TMEM132C: variants seen among roughly 807,000 people sequenced by gnomAD.
The protein encoded by TMEM132C is protein phosphatase 1, regulatory subunit 152.
Under a neutral mutation model 61.4 loss-of-function variants are expected in TMEM132C, and 29 were observed. The ratio of observed to expected loss-of-function variants is 0.47; its 90% CI spans 0.35 to 0.64. The LOEUF is 0.64. TMEM132C is among the 30% of genes least tolerant of loss of function. The pLI, the probability that TMEM132C is intolerant of heterozygous loss-of-function variation, is 0.00. For missense variants in TMEM132C, 1,408 were observed against 1,476.9 expected, an observed-to-expected ratio of 0.95 and a Z score of 0.76; for synonymous variants, 656 against 633.1, an observed-to-expected ratio of 1.04 and a Z score of -0.54.
intron 2 of TMEM132C, among the ~76,000 whole-genome samples, chr12:128,427,387 G>GTGT (rs1869224289): frequency 4.5e-4 from 59 of 132,292 alleles, no homozygotes; most frequent in African/African-American, 1.7e-3. Context: ...CTTCCAAAGG[G>GTGT]GTGTGTGTGT....
intron 2 of TMEM132C, among the ~76,000 whole-genome samples, chr12:128,423,724 G>T (rs1869073774): frequency 6.6e-6 from 1 of 151,322 alleles, no homozygotes; most frequent in African/African-American, 2.4e-5. Flanking sequence ...GAGAAAAGTG[G>T]ATTTCACCTC....
chr12:128,483,693 T>C (rs1194669950), intron 2 of TMEM132C, among the ~76,000 whole-genome samples: 2 of 152,188 alleles, frequency 1.3e-5, no homozygotes, highest in Non-Finnish European at 2.9e-5. Context: ...TCTGTAGAAC[T>C]GGCTCTTCAG....
intron 1 of TMEM132C, among the ~76,000 whole-genome samples, chr12:128,297,378 G>C (rs1342407255): frequency 6.6e-6 from 1 of 152,224 alleles, no homozygotes; most frequent in African/African-American, 2.4e-5. Flanking sequence ...TGTGCAGCCA[G>C]ATTCATTTAA....
intron 1 of TMEM132C, among the ~76,000 whole-genome samples, chr12:128,413,466 G>A (rs77773027): frequency 0.01 from 1,581 of 151,816 alleles, 31 homozygotes; most frequent in African/African-American, 0.035. Flanking sequence ...AGGTCGTACC[G>A]CTTTTCATTC....
chr12:128,532,278 G>A (rs543943753), intron 2 of TMEM132C, among the ~76,000 whole-genome samples: 1 of 151,832 alleles, frequency 6.6e-6, no homozygotes, highest in Admixed American at 6.6e-5. Context: ...GTATGACTAT[G>A]TATGCATAAT....
intron 2 of TMEM132C, among the ~76,000 whole-genome samples, chr12:128,517,782 T>G (rs1214928603): frequency 2.0e-5 from 3 of 152,166 alleles, no homozygotes; most frequent in Non-Finnish European, 4.4e-5. Flanking sequence ...GTGAAGGTAG[T>G]TTTATGGAAA....
intron 1 of TMEM132C, among the ~76,000 whole-genome samples, chr12:128,342,466 TCCAAA>T (rs1300120807): frequency 6.6e-6 from 1 of 152,236 alleles, no homozygotes; most frequent in Non-Finnish European, 1.5e-5. Context: ...TAGAAAATCT[TCCAAA>T]CCTGTTTGAA....
chr12:128,334,312 C>T (rs1872739751), intron 1 of TMEM132C, among the ~76,000 whole-genome samples: 1 of 152,152 alleles, frequency 6.6e-6, no homozygotes, highest in African/African-American at 2.4e-5. Context: ...GCCCACCCAC[C>T]ATGTCCTCGA....
At chr12:128,396,286 C>T (rs1333144754) in intron 1 of TMEM132C, among the ~76,000 whole-genome samples, 1 of 151,868 alleles carries the variant, frequency 6.6e-6, no homozygotes, top group Non-Finnish European at 1.5e-5. Flanking sequence ...CAACTGCTTC[C>T]TAATAATAGT....
intron 1 of TMEM132C, among the ~76,000 whole-genome samples, chr12:128,289,701 T>A (rs569459586): frequency 6.6e-6 from 1 of 152,356 alleles, no homozygotes; most frequent in East Asian, 1.9e-4. Flanking sequence ...TTCTCAATAA[T>A]TTTTGGCCTA....
rs1565990430 is a variant in TMEM132C at position 128,609,290 on chromosome 12, G to GCCTCCCTGCAACCCTGTAA, written c.1122-6860_1122-6859insTCCCTGCAACCCTGTAACC. ...ACCCCCACCTCCCTGCAACACTGTA[G>GCCTCCCTGCAACCCTGTAA]CCCCCGCCTCCCTGCAACCCTGCTA... On this transcript the variant is annotated intron_variant, in intron 3 of 8. Coordinates refer to ENST00000435159, the MANE Select transcript of TMEM132C (RefSeq NM_001136103.3). 2.8e-3 allele frequency among the ~76,000 whole-genome samples: 165 copies of GCCTCCCTGCAACCCTGTAA among 58,070 alleles called. 23 individuals carry two copies. The highest frequency in any genetic ancestry group is 0.013 in the African/African-American group (151 of 11,436). 38.1% of individuals were successfully genotyped at this position (58,070 alleles called of 152,430 possible). A position where few individuals can be genotyped will look rare whatever the true frequency, so the allele number is the denominator to read the frequency against.
intron 1 of TMEM132C, among the ~76,000 whole-genome samples, chr12:128,287,318 T>C (rs1032567235): frequency 6.6e-6 from 1 of 152,212 alleles, no homozygotes; most frequent in Non-Finnish European, 1.5e-5. Context: ...TTAAACTTTT[T>C]ACTAGGAAAT....
intron 4 of TMEM132C, among the ~76,000 whole-genome samples, chr12:128,627,793 G>A (rs899901734): frequency 1.1e-4 from 17 of 152,154 alleles, no homozygotes; most frequent in African/African-American, 3.6e-4. Flanking sequence ...TCCCTCCGCC[G>A]AGGAGTCAGG....
intron 3 of TMEM132C, among the ~76,000 whole-genome samples, chr12:128,589,292 G>T (rs1408047500): frequency 6.6e-6 from 1 of 152,142 alleles, no homozygotes; most frequent in Non-Finnish European, 1.5e-5. Flanking sequence ...ATGCAGCCCT[G>T]CAAGGGCCTC....
At chr12:128,657,283 G>A (rs1285649313) in intron 4 of TMEM132C, among the ~76,000 whole-genome samples, 1 of 152,178 alleles carries the variant, frequency 6.6e-6, no homozygotes, top group Non-Finnish European at 1.5e-5. Context: ...GCTTGAATAG[G>A]AGGAAGAAAG....
At chr12:128,458,964 C>T (rs533355929) in intron 2 of TMEM132C, among the ~76,000 whole-genome samples, 1 of 152,302 alleles carries the variant, frequency 6.6e-6, no homozygotes, top group Admixed American at 6.5e-5. Flanking sequence ...GGCCCAGCTA[C>T]AAACTGAAGG....
chr12:128,641,698 T>G, intron 4 of TMEM132C, among the ~76,000 whole-genome samples: 1 of 152,234 alleles, frequency 6.6e-6, no homozygotes, highest in Non-Finnish European at 1.5e-5. Context: ...CTTGAGAGAA[T>G]AAACTTCTGT....
chr12:128,377,212 G>A (rs577437895), intron 1 of TMEM132C, among the ~76,000 whole-genome samples: 18 of 152,202 alleles, frequency 1.2e-4, no homozygotes, highest in Admixed American at 3.3e-4. Flanking sequence ...GCAGCACCAC[G>A]CCCAGTTAAT....
Position 128,697,464 on chromosome 12 carries a change from T to C in TMEM132C, c.2121+49T>C, listed in dbSNP as rs191109983. ...TCAGAGGGAGCAGGGTCAGCCACTG[T>C]GCCTGCTTCAGCAAAGGGGCAGGGT... is the stretch of plus-strand genomic sequence containing the variant. On this transcript the variant is annotated intron_variant, in intron 8 of 8. Coordinates refer to ENST00000435159, the MANE Select transcript of TMEM132C (RefSeq NM_001136103.3). 7,848 of 1,473,094 alleles carry C rather than the reference T, an allele frequency of 5.3e-3. 19 individuals carry two copies. Among genetic ancestry groups the C allele is most frequent in the Middle Eastern group, 0.015 (73 of 4,762 alleles). The allele number at this position is 1,473,094 out of a possible 1,614,324, so 91.3% of individuals were successfully genotyped here. A position where few individuals can be genotyped will look rare whatever the true frequency, so the allele number is the denominator to read the frequency against.
Sources: gnomAD v4.1 joint callset for allele counts (sites outside exome capture counted in the v4.1 genomes callset) on GRCh38, gnomAD v4.1.1 for gene constraint, MANE v1.5 for transcripts, NCBI Gene and HGNC (gene_info 2026-07-23, HGNC 2026-07-21) for gene names.